SPOCK1: variants seen among roughly 807,000 people sequenced by gnomAD.
SPOCK1 encodes the protein testican-1.
A neutral mutation model predicts 55.3 loss-of-function variants in SPOCK1; 23 were observed. That is an observed-to-expected ratio of 0.42 (90% CI 0.30 to 0.59). SPOCK1 has a LOEUF of 0.59. SPOCK1 is among the 20% of genes least tolerant of loss of function. The pLI, the probability that SPOCK1 is intolerant of heterozygous loss-of-function variation, is 0.22. For synonymous variants in SPOCK1, 226 were observed against 221.0 expected (o/e 1.02, Z -0.20); for missense variants, 499 against 552.5 (o/e 0.90, Z 0.97).
intron 2 of SPOCK1, 74 bp downstream of exon 2, chr5:137,498,299 C>A: frequency 1.4e-6 from 2 of 1,391,988 alleles, no homozygotes; most frequent in Non-Finnish European, 1.9e-6. Flanking sequence ...CACACACACA[C>A]ACCCCAACCC....
chr5:137,355,283 CTT>C (rs2127162863), intron 2 of SPOCK1, among the ~76,000 whole-genome samples: 1 of 152,304 alleles, frequency 6.6e-6, no homozygotes, highest in South Asian at 2.1e-4. Context: ...ACCTCAAACT[CTT>C]GGGCTCAAGT....
At chr5:137,102,367 G>A (rs1388625610) in intron 5 of SPOCK1, among the ~76,000 whole-genome samples, 1 of 152,038 alleles carries the variant, frequency 6.6e-6, no homozygotes, top group Non-Finnish European at 1.5e-5. Flanking sequence ...TGAATCTGGG[G>A]CTATTAAAAT....
chr5:137,349,594 A>G (rs1446958935), intron 2 of SPOCK1, among the ~76,000 whole-genome samples: 2 of 152,248 alleles, frequency 1.3e-5, no homozygotes, highest in African/African-American at 2.4e-5. Context: ...CTAGAAGCCC[A>G]AGATGGAGGT....
chr5:137,020,146 A>G (rs1280888722), intron 6 of SPOCK1, among the ~76,000 whole-genome samples: 3 of 151,892 alleles, frequency 2.0e-5, no homozygotes, highest in African/African-American at 7.2e-5. Flanking sequence ...AATATTAATA[A>G]GAGAGTAGAA....
At chr5:137,336,398 C>G (rs1034511261) in intron 2 of SPOCK1, among the ~76,000 whole-genome samples, 1 of 152,210 alleles carries the variant, frequency 6.6e-6, no homozygotes, top group African/African-American at 2.4e-5. Context: ...CCCAATTATT[C>G]TCTCCTCTGA....
chr5:137,099,084 T>G (rs1753211491), intron 5 of SPOCK1, among the ~76,000 whole-genome samples: 1 of 152,216 alleles, frequency 6.6e-6, no homozygotes, highest in Admixed American at 6.5e-5. Context: ...GTGTTCGGGG[T>G]GCCCACACCT....
At chr5:137,223,943 A>C (rs922565590) in intron 3 of SPOCK1, among the ~76,000 whole-genome samples, 1 of 152,216 alleles carries the variant, frequency 6.6e-6, no homozygotes, top group African/African-American at 2.4e-5. Flanking sequence ...GCACCTACTA[A>C]ATAATAAGAG....
At position 137,441,085 on chromosome 5, in the gene SPOCK1, T is replaced by C. The variant is rs1752995179; in HGVS notation, c.186+57288A>G. Among the ~76,000 whole-genome samples the C allele has an allele frequency of 2.0e-5, 3 of 152,216 alleles. No individual in the cohort carries two copies. The South Asian group carries it at 6.2e-4, about 32-fold the overall frequency. ...GTGATTGAACATCCGTCACAACTCT[T>C]CCTGTGATTCTGGATAGAAATAGGT... On this transcript the variant is annotated intron_variant, in intron 2 of 10. Transcript: ENST00000394945.
In SPOCK1 at chr5:137,134,866, C is replaced by T. The variant is rs183607576; in HGVS notation, c.347+5714G>A. ...TCTGTGATGTACTTCTCTCTGACCT[C>T]GAACACTTTGATTCTTTTTCTCAAG... is the stretch of plus-strand genomic sequence containing the variant. On this transcript the variant is annotated intron_variant, in intron 4 of 10. Coordinates refer to ENST00000394945, the MANE Select transcript of SPOCK1 (RefSeq NM_004598.4). Among the ~76,000 whole-genome samples, 870 of 152,340 alleles carry T rather than the reference C, an allele frequency of 5.7e-3. 4 individuals are homozygous for T. The highest frequency in any genetic ancestry group is 9.9e-3 in the Admixed American group (152 of 15,298).
At chr5:137,321,712 A>G (rs772856762) in intron 2 of SPOCK1, among the ~76,000 whole-genome samples, 18 of 152,008 alleles carry the variant, frequency 1.2e-4, no homozygotes, top group Middle Eastern at 3.2e-3. Context: ...TATCTCTACT[A>G]AAAAAATACA....
chr5:137,290,404 T>G (rs1409447463), intron 2 of SPOCK1, among the ~76,000 whole-genome samples: 2 of 152,194 alleles, frequency 1.3e-5, no homozygotes, highest in African/African-American at 4.8e-5. Flanking sequence ...AAAACTAACA[T>G]ATGATGAAAA....
Position 137,060,372 on chromosome 5 carries a change from C to T in SPOCK1, c.589+7343G>A, listed in dbSNP as rs1381606557. Among the ~76,000 whole-genome samples the T allele has an allele frequency of 2.6e-5, 4 of 152,108 alleles. No homozygotes were observed. The East Asian group carries it at 7.7e-4, about 29-fold the overall frequency. On this transcript the variant is annotated intron_variant, in intron 6 of 10. Transcript: ENST00000394945. ...AACAGAAAACCAAACACTGCATCAT[C>T]CTACTTATAAATGGGAGCTAAACAC...
At chr5:137,405,280 C>T (rs1381179990) in intron 2 of SPOCK1, among the ~76,000 whole-genome samples, 1 of 152,222 alleles carries the variant, frequency 6.6e-6, no homozygotes, top group Non-Finnish European at 1.5e-5. Flanking sequence ...AGGGAATCCC[C>T]TCATCAATTC....
chr5:137,425,053 G>A (rs146811766), intron 2 of SPOCK1, among the ~76,000 whole-genome samples: 1 of 152,108 alleles, frequency 6.6e-6, no homozygotes, highest in South Asian at 2.1e-4. Flanking sequence ...TTTACCAAAG[G>A]GTTTGTCTAC....
At position 137,475,850 on chromosome 5, in the gene SPOCK1, T is replaced by C. The variant is rs531870761; in HGVS notation, c.186+22523A>G. The stretch of plus-strand genomic sequence containing the variant: ...TTAACATCCCAAAGTGCTGGGATTA[T>C]AGTATGAGCCACCAAACTCGGCCTA... On this transcript the variant is annotated intron_variant, in intron 2 of 10. Coordinates refer to ENST00000394945, the MANE Select transcript of SPOCK1 (RefSeq NM_004598.4). 7.2e-5 allele frequency among the ~76,000 whole-genome samples: 11 copies of C among 152,236 alleles called. No individual in the cohort carries two copies. In the South Asian group the frequency reaches 2.3e-3, roughly 32 times the overall value.
chr5:137,028,901 G>T (rs1253989519), intron 6 of SPOCK1, among the ~76,000 whole-genome samples: 1 of 152,166 alleles, frequency 6.6e-6, no homozygotes, highest in African/African-American at 2.4e-5. Context: ...ACCCTTTGAA[G>T]ACCTCTCCCA....
intron 4 of SPOCK1, among the ~76,000 whole-genome samples, chr5:137,115,045 T>C (rs1314472819): frequency 6.6e-6 from 1 of 152,134 alleles, no homozygotes; most frequent in Non-Finnish European, 1.5e-5. Context: ...TAATGACAAA[T>C]CATCTCTATC....
intron 2 of SPOCK1, among the ~76,000 whole-genome samples, chr5:137,492,142 C>T (rs1754194426): frequency 6.6e-6 from 1 of 152,162 alleles, no homozygotes; most frequent in South Asian, 2.1e-4. Flanking sequence ...CAATGAAACC[C>T]CTCCACCACT....
chr5:137,066,989 G>C (rs6874321), intron 6 of SPOCK1, among the ~76,000 whole-genome samples: 82,861 of 125,060 alleles, frequency 0.66, 24,949 homozygotes, highest in South Asian at 0.76. Context: ...CACACACACA[G>C]AGAGAGAGAG....
Sources: allele counts gnomAD v4.1 joint callset (sites outside exome capture counted in the v4.1 genomes callset), GRCh38; gene constraint gnomAD v4.1.1; transcripts MANE v1.5; gene names NCBI Gene and HGNC (gene_info 2026-07-23, HGNC 2026-07-21).